VWF: variants seen among roughly 807,000 people sequenced by gnomAD.
The protein encoded by VWF is von Willebrand factor, also known as Factor VIII related antigen.
Under a neutral mutation model 308.6 loss-of-function variants are expected in VWF, and 176 were observed. The ratio of observed to expected loss-of-function variants is 0.57; its 90% confidence interval spans 0.50 to 0.65. The LOEUF (loss-of-function observed/expected upper bound fraction) is 0.65, where lower values mean the gene tolerates loss of function less well. VWF is among the 30% of genes least tolerant of loss of function. The pLI is 0.00. For missense variants in VWF, 3,146 were observed against 3,648.2 expected, an observed-to-expected ratio of 0.86 and a Z score of 3.55; for synonymous variants, 1,385 against 1,443.4, an observed-to-expected ratio of 0.96 and a Z score of 0.92.
At chr12:5,982,757 C>T (rs1364194554) in intron 41 of VWF, among the ~76,000 whole-genome samples, 2 of 152,160 alleles carry the variant, frequency 1.3e-5, no homozygotes, top group Admixed American at 1.3e-4. Flanking sequence ...CCTTCAGAGG[C>T]GAAAAACTAT....
intron 38 of VWF, 86 bp from the exon 39 acceptor site, chr12:5,985,751 C>T (rs530942494): frequency 4.0e-6 from 5 of 1,257,580 alleles, no homozygotes; most frequent in Admixed American, 1.9e-5. Context: ...TCCCTGCCTC[C>T]GGCAAGGGCC....
chr12:5,956,307 C>T (rs1459870179), intron 47 of VWF, among the ~76,000 whole-genome samples: 3 of 152,130 alleles, frequency 2.0e-5, no homozygotes, highest in Non-Finnish European at 4.4e-5. Context: ...AAAACAGCCT[C>T]GGGTAGGTCC....
chr12:5,966,150 G>A (rs1268354193), intron 47 of VWF, among the ~76,000 whole-genome samples: 1 of 152,116 alleles, frequency 6.6e-6, no homozygotes, highest in East Asian at 1.9e-4. Context: ...GCGGCCTGCT[G>A]TCTCCTGACT....
chr12:5,985,508 C>A (rs1214179093), intron 39 of VWF, 55 bp downstream of exon 39: 4 of 1,562,922 alleles, frequency 2.6e-6, no homozygotes, highest in Non-Finnish European at 3.5e-6. Context: ...GGCTGGGGGG[C>A]CTTGCAGGGG....
intron 3 of VWF, among the ~76,000 whole-genome samples, chr12:6,120,854 C>T (rs1239624410): frequency 6.6e-6 from 1 of 152,136 alleles, no homozygotes; most frequent in Non-Finnish European, 1.5e-5. Flanking sequence ...GAGTTTTACA[C>T]GTTCCAAAGC....
At chr12:6,023,370 C>T (rs1185709127) in intron 25 of VWF, among the ~76,000 whole-genome samples, 1 of 152,162 alleles carries the variant, frequency 6.6e-6, no homozygotes, top group Non-Finnish European at 1.5e-5. Flanking sequence ...ATCAGTATTC[C>T]CTCTTCTCCC....
At position 6,009,344 on chromosome 12, in the gene VWF, C is replaced by G. The variant is rs183512336; in HGVS notation, c.5842+2273G>C. ...AAAACTCAATTATATGAAAAAATAT[C>G]CAACATTACTGATCATCAGGGAAAT... On this transcript the variant is annotated intron_variant, in intron 34 of 51. Transcript: ENST00000261405. Among the ~76,000 whole-genome samples, 13 of 151,188 alleles carry G rather than the reference C, an allele frequency of 8.6e-5. No individual in the cohort carries two copies. The East Asian group carries it at 2.5e-3, about 30-fold the overall frequency.
Position 5,984,204 on chromosome 12 carries a change from T to G in VWF, c.6976+841A>C, listed in dbSNP as rs140727343. ...AGTTCACAAAATAATAAGGGCAAAG[T>G]GCCCGGCACATTGTAGGAGACTAGT... is the stretch of plus-strand genomic sequence containing the variant. On this transcript the variant is annotated intron_variant, in intron 40 of 51. Coordinates refer to ENST00000261405, the MANE Select transcript of VWF (RefSeq NM_000552.5). 5.3e-3 allele frequency among the ~76,000 whole-genome samples: 800 copies of G among 152,338 alleles called. 2 individuals are homozygous for G. Among genetic ancestry groups the G allele is most frequent in the Admixed American group, 8.6e-3 (132 of 15,306 alleles).
At position 6,016,090 on chromosome 12, in the gene VWF, G is replaced by C; in HGVS notation, c.5454C>G (p.Asn1818Lys). ...VDAAADAARS[N>K]RVTVFPIGIG... ...GAGGACTGTACACCAGATTCTTACTGTTGGACCTGGCGGCATCAGCTGCTG... is the reference window on the plus strand; with the variant it reads ...GAGGACTGTACACCAGATTCTTACTCTTGGACCTGGCGGCATCAGCTGCTG... Residue 1818 changes from asparagine (N) to lysine (K), a missense_variant and splice_region_variant, in exon 31 of 52, where the codon AAC (asparagine) becomes AAG (lysine). Physicochemically the swap from Asn to Lys is moderately conservative, Grantham distance 94 (BLOSUM62 0). Coordinates refer to ENST00000261405, the MANE Select transcript of VWF (RefSeq NM_000552.5). The C allele has an allele frequency of 2.5e-6, 4 of 1,614,076 alleles. No homozygotes were observed. Among genetic ancestry groups the C allele is most frequent in the Non-Finnish European group, 2.5e-6 (3 of 1,179,966 alleles).
chr12:6,023,338 ATAAATCGAC>A, intron 25 of VWF, among the ~76,000 whole-genome samples: 1 of 152,202 alleles, frequency 6.6e-6, no homozygotes, highest in Non-Finnish European at 1.5e-5. Flanking sequence ...AATTAAAGAC[ATAAATCGAC>A]TTCCTTCTTT....
intron 18 of VWF, among the ~76,000 whole-genome samples, chr12:6,038,439 GC>G (rs1944360849): frequency 6.6e-6 from 1 of 152,188 alleles, no homozygotes; most frequent in Non-Finnish European, 1.5e-5. Flanking sequence ...CCTTGGGCAG[GC>G]CGGGCTGGGG....
intron 5 of VWF, among the ~76,000 whole-genome samples, chr12:6,102,479 G>C (rs549207209): frequency 6.6e-6 from 1 of 152,232 alleles, no homozygotes; most frequent in East Asian, 1.9e-4. Context: ...GCTCACACCT[G>C]TAATCCCAGC....
At chr12:6,086,591 C>T (rs1944974771) in intron 6 of VWF, among the ~76,000 whole-genome samples, 1 of 152,104 alleles carries the variant, frequency 6.6e-6, no homozygotes, top group Non-Finnish European at 1.5e-5. Flanking sequence ...CCATTCCAGA[C>T]CAAAACTGCC....
intron 10 of VWF, among the ~76,000 whole-genome samples, chr12:6,070,493 G>A (rs886958697): frequency 1.3e-5 from 2 of 152,226 alleles, no homozygotes; most frequent in Non-Finnish European, 2.9e-5. Context: ...GCTCTGCCTC[G>A]TAGCAGCTGT....
chr12:6,100,698 C>T (rs1254836579), intron 5 of VWF, among the ~76,000 whole-genome samples: 1 of 152,114 alleles, frequency 6.6e-6, no homozygotes, highest in Non-Finnish European at 1.5e-5. Flanking sequence ...GCAATGAGAA[C>T]ACATGGACAC....
rs758463173 is a variant in VWF, at chr12:6,012,105, C to T, written c.5646G>A (p.Glu1882=). 3.7e-6 allele frequency: 6 copies of T among 1,613,978 alleles called. No homozygotes were observed. In the Admixed American group the frequency reaches 1.0e-4, roughly 27 times the overall value. Reference sequence around the variant, plus strand: ...AACTTACCCTCTTCTCATTCCCATCCTCATCCATGCAAATCCTAACAAATC... The same window carrying T: ...AACTTACCCTCTTCTCATTCCCATCTTCATCCATGCAAATCCTAACAAATC... ...CSGFVRICMD[E]DGNEKRPGDV... Residue 1882 remains glutamate, a synonymous_variant, in exon 33 of 52, where the codon GAG becomes GAA. Transcript: ENST00000261405.
chr12:5,959,003 C>A (rs1943281565), intron 47 of VWF, among the ~76,000 whole-genome samples: 1 of 151,974 alleles, frequency 6.6e-6, no homozygotes, highest in Admixed American at 6.6e-5. Flanking sequence ...ATCGCTTGAG[C>A]CCAGGAATTC....
intron 42 of VWF, among the ~76,000 whole-genome samples, chr12:5,978,102 C>T (rs1342349695): frequency 3.4e-5 from 5 of 148,994 alleles, no homozygotes; most frequent in East Asian, 1.9e-4. Flanking sequence ...AACTAGATAT[C>T]GTCAGTGGCA....
rs367639323 is a variant in VWF at position 6,028,873 on chromosome 12, G to A, written c.2967+469C>T. ...TCAATTAATGGGCAAAATAACCAGC[G>A]AACATCATAATGACAGGATCAAATT... On this transcript the variant is annotated intron_variant, in intron 22 of 51. Transcript: ENST00000261405. Among the ~76,000 whole-genome samples the A allele has an allele frequency of 2.0e-4, 30 of 152,114 alleles. 1 individual carries two copies. The highest frequency in any genetic ancestry group is 1.3e-3 in the East Asian group (7 of 5,200).
Sources: allele counts gnomAD v4.1 joint callset (sites outside exome capture counted in the v4.1 genomes callset), GRCh38; gene constraint gnomAD v4.1.1; transcripts MANE v1.5; gene names NCBI Gene and HGNC (gene_info 2026-07-23, HGNC 2026-07-21).